Variants in PCDH18 observed in about 807,000 individuals in gnomAD.
The protein encoded by PCDH18 is protocadherin-18.
A neutral mutation model predicts 71.5 loss-of-function variants in PCDH18; 38 were observed. The observed-to-expected ratio is 0.53, with a 90% CI of 0.41 to 0.70. The LOEUF (loss-of-function observed/expected upper bound fraction) is 0.70. Ranked by LOEUF, PCDH18 falls within the 30% of genes least tolerant of loss-of-function variation. The probability of loss-of-function intolerance (pLI) is 0.00; values close to 1 mark genes in which losing one functional copy is unlikely to be tolerated. For synonymous variants in PCDH18, 565 were observed against 505.4 expected (o/e 1.12, Z -1.58); for missense variants, 1,334 against 1,384.6 (o/e 0.96, Z 0.58).
chr4:137,527,258 T>C (rs1388393310), intron 3 of PCDH18, among the ~76,000 whole-genome samples: 1 of 152,182 alleles, frequency 6.6e-6, no homozygotes, highest in Non-Finnish European at 1.5e-5. Context: ...TTATATAAAG[T>C]GGTATGGCAG....
chr4:137,530,068 C>T lies in PCDH18; in HGVS notation c.2021G>A (p.Cys674Tyr), dbSNP rs138695011. The T allele has an allele frequency of 3.0e-4, 483 of 1,614,080 alleles. No individual in the cohort carries two copies. Among genetic ancestry groups the T allele is most frequent in the Non-Finnish European group, 3.7e-4 (435 of 1,179,960 alleles). ...PQLHTKVLLK[C>Y]MIFEYAESVT... ...CGACTCTGCATATTCAAAGATCATG[C>T]ACTTCAGAAGGACTTTGGTATGTAG... The change falls in exon 1 of 4, where the codon TGC becomes TAC. Residue 674 changes from cysteine to tyrosine, a missense_variant. Physicochemically the swap from Cys to Tyr is radical, Grantham distance 194. Coordinates refer to ENST00000344876, the MANE Select transcript of PCDH18 (RefSeq NM_019035.5).
chr4:137,521,570 G>A lies in PCDH18; in HGVS notation c.2867C>T (p.Thr956Met), dbSNP rs1410483393. 4 of 1,614,016 alleles carry A rather than the reference G, an allele frequency of 2.5e-6. No homozygotes were observed. The highest frequency in any genetic ancestry group is 2.2e-5 in the East Asian group (1 of 44,840). The change falls in exon 4 of 4, where the codon ACG (threonine) becomes ATG (methionine). Residue 956 changes from threonine (T) to methionine (M), a missense_variant. By Grantham distance (81) the Thr-to-Met change is moderately conservative (BLOSUM62 -1). Transcript: ENST00000344876. ...ATGTGGATGCTGCTGCTGGGGTTGC[G>A]TTGGGAATTCTTCCCCTGGAATGAA... is the stretch of plus-strand genomic sequence containing the variant. ...NMFIPGEEFP[T>M]QPQQQHPHQS...
intron 3 of PCDH18, among the ~76,000 whole-genome samples, chr4:137,525,121 C>A (rs780141360): frequency 8.6e-5 from 13 of 151,984 alleles, no homozygotes; most frequent in African/African-American, 1.4e-4. Context: ...GAAGTGAATG[C>A]AATGGAAAAT....
Position 137,530,257 on chromosome 4 carries a change from C to T in PCDH18, c.1832G>A (p.Gly611Asp). 3 of 1,614,106 alleles carry T rather than the reference C, an allele frequency of 1.9e-6. No homozygotes were observed. Among genetic ancestry groups the T allele is most frequent in the Non-Finnish European group, 1.7e-6 (2 of 1,180,000 alleles). ...TRIRAIDRDS[G>D]VNAELSCAIV... ...GGCGCAGCTGAGTTCAGCATTCACACCAGAGTCTCTGTCAATTGCCCTTAT... is the reference window on the plus strand; with the variant it reads ...GGCGCAGCTGAGTTCAGCATTCACATCAGAGTCTCTGTCAATTGCCCTTAT... Residue 611 changes from glycine to aspartate, a missense_variant, in exon 1 of 4, where the codon GGT becomes GAT. Physicochemically the swap from Gly to Asp is moderately conservative, Grantham distance 94. This residue lies in a region of PCDH18 where 1,011 missense variants were observed against 1,048.0 expected (regional missense o/e 0.96). Coordinates refer to ENST00000344876, the MANE Select transcript of PCDH18 (RefSeq NM_019035.5).
chr4:137,519,139 T>C lies in PCDH18; in HGVS notation c.*1890A>G, dbSNP rs1560719683. On this transcript the variant is annotated 3_prime_UTR_variant, in exon 4 of 4. Coordinates refer to ENST00000344876, the MANE Select transcript of PCDH18 (RefSeq NM_019035.5). ...TGTGTGTGTAATCTACTGAAAAATA[T>C]ACTGAAATTTCACTTGTAATTGCAA... The C allele has an allele frequency of 2.0e-5, 3 of 152,194 alleles. No individual in the cohort carries two copies. Among genetic ancestry groups the C allele is most frequent in the African/African-American group, 7.2e-5 (3 of 41,454 alleles). 9.4% of individuals were successfully genotyped at this position (152,194 alleles called of 1,614,324 possible). A position where few individuals can be genotyped will look rare whatever the true frequency, so the allele number is the denominator to read the frequency against.
chr4:137,530,212 T>C lies in PCDH18; in HGVS notation c.1877A>G (p.Glu626Gly). 2 of 1,614,062 alleles carry C rather than the reference T, an allele frequency of 1.2e-6. No individual in the cohort carries two copies. The highest frequency in any genetic ancestry group is 1.7e-6 in the Non-Finnish European group (2 of 1,179,974). ...TCGTGGATCAATTATGAAGATATTCTCCTCATTACCTGCTACTATGGCGCA... is the reference window on the plus strand; with the variant it reads ...TCGTGGATCAATTATGAAGATATTCCCCTCATTACCTGCTACTATGGCGCA... ...LSCAIVAGNE[E>G]NIFIIDPRSC... Residue 626 changes from glutamate to glycine, a missense_variant, in exon 1 of 4, where the codon GAG becomes GGG. Physicochemically the swap from Glu to Gly is moderately conservative, Grantham distance 98 (BLOSUM62 -2). Transcript: ENST00000344876.
intron 3 of PCDH18, among the ~76,000 whole-genome samples, chr4:137,526,814 C>T (rs968548216): frequency 1.3e-5 from 2 of 151,950 alleles, no homozygotes; most frequent in African/African-American, 4.8e-5. Context: ...ACAATTACTA[C>T]CACAACAAAA....
Position 137,532,334 on chromosome 4 carries a change from G to C in PCDH18, c.-246C>G, listed in dbSNP as rs1366352710. 4 of 702,414 alleles carry C rather than the reference G, an allele frequency of 5.7e-6. No homozygotes were observed. Among genetic ancestry groups the C allele is most frequent in the Non-Finnish European group, 7.8e-6 (3 of 385,026 alleles). The allele number at this position is 702,414 out of a possible 1,614,324, so 43.5% of individuals were successfully genotyped here. On this transcript the variant is annotated 5_prime_UTR_variant, in exon 1 of 4. Coordinates refer to ENST00000344876, the MANE Select transcript of PCDH18 (RefSeq NM_019035.5). ...GGTCGTTCGTCCTCTTTCCAGGCAG[G>C]AGAGTGTCACCTCCGCGTTTTCTCC...
In PCDH18 at chr4:137,530,801, C is replaced by G. The variant is rs183666749; in HGVS notation, c.1288G>C (p.Glu430Gln). 2.6e-5 allele frequency: 42 copies of G among 1,611,872 alleles called. No homozygotes were observed. The East Asian group carries it at 6.7e-4, about 26-fold the overall frequency. ...NATLDREKRS[E>Q]YSLTVIAEDR... ...TCAGCGATTACAGTCAAACTATACTCAGATCTCTTTTCTCTATCCAGTGTG... is the reference window on the plus strand; with the variant it reads ...TCAGCGATTACAGTCAAACTATACTGAGATCTCTTTTCTCTATCCAGTGTG... The change falls in exon 1 of 4, where the codon GAG (glutamate) becomes CAG (glutamine). Residue 430 changes from glutamate (E) to glutamine (Q), a missense_variant. Physicochemically the swap from Glu to Gln is conservative, Grantham distance 29 (BLOSUM62 2). Transcript: ENST00000344876.
rs935240917 is a variant in PCDH18 at position 137,532,381 on chromosome 4, T to C, written c.-293A>G. On this transcript the variant is annotated 5_prime_UTR_variant, in exon 1 of 4. In the 5' UTR this introduces an upstream ATG that the reference lacks. Transcript: ENST00000344876. ...CTCCCTTGTGTAGTCGGAATCCATC[T>C]ATTGCAGGGTGCCGGTGGAGTCTGC... 10 of 701,840 alleles carry C rather than the reference T, an allele frequency of 1.4e-5. No individual in the cohort carries two copies. Among genetic ancestry groups the C allele is most frequent in the Non-Finnish European group, 2.6e-5 (10 of 384,810 alleles). 43.5% of individuals were successfully genotyped at this position (701,840 alleles called of 1,614,324 possible).
At chr4:137,528,393 G>A (rs1731540232) in intron 3 of PCDH18, 85 bp downstream of exon 3, 4 of 1,041,824 alleles carry the variant, frequency 3.8e-6, no homozygotes, top group Admixed American at 4.3e-5. Flanking sequence ...AAATAAAGAA[G>A]AAATATAAGC....
In PCDH18 at chr4:137,530,913, A is replaced by T; in HGVS notation, c.1176T>A (p.Asn392Lys). ...CATGAAGCTTACAAACTATTTCTCC[A>T]TTCAGCCCAGAATCCTTGTCCTGAA... ...VRVQDKDSGL[N>K]GEIVCKLHGH... Residue 392 changes from asparagine to lysine, a missense_variant, in exon 1 of 4, where the codon AAT (asparagine) becomes AAA (lysine). Transcript: ENST00000344876. The T allele has an allele frequency of 6.2e-7, 1 of 1,613,238 alleles. No homozygotes were observed. Among genetic ancestry groups the T allele is most frequent in the Non-Finnish European group, 8.5e-7 (1 of 1,179,442 alleles).
At chr4:137,523,052 A>G (rs1014550801) in intron 3 of PCDH18, among the ~76,000 whole-genome samples, 2 of 152,138 alleles carry the variant, frequency 1.3e-5, no homozygotes, top group African/African-American at 4.8e-5. Context: ...GTTTTAATGA[A>G]AAGGAGGATA....
chr4:137,532,268 C>T lies in PCDH18; in HGVS notation c.-180G>A, dbSNP rs772107626. 1.4e-6 allele frequency: 1 copy of T among 706,632 alleles called. No homozygotes were observed. The highest frequency in any genetic ancestry group is 1.5e-5 in the South Asian group (1 of 68,176). 43.8% of individuals were successfully genotyped at this position (706,632 alleles called of 1,614,324 possible). A position where few individuals can be genotyped will look rare whatever the true frequency, so the allele number is the denominator to read the frequency against. ...TTTTATACACACCGTGTCACGACTT[C>T]CAGATACCTTCGGCATGGAGTCCAG... On this transcript the variant is annotated 5_prime_UTR_variant, in exon 1 of 4. Coordinates refer to ENST00000344876, the MANE Select transcript of PCDH18 (RefSeq NM_019035.5).
chr4:137,529,464 A>C (rs1731580142), intron 1 of PCDH18, 138 bp downstream of exon 1: 2 of 584,608 alleles, frequency 3.4e-6, no homozygotes, highest in African/African-American at 3.7e-5. Flanking sequence ...ACATATTCAC[A>C]ATGTAACTTG....
Position 137,528,530 on chromosome 4 carries a change from C to G in PCDH18, c.2688G>C (p.Leu896=). 1 of 1,613,904 alleles carries G rather than the reference C, an allele frequency of 6.2e-7. No individual in the cohort carries two copies. The highest frequency in any genetic ancestry group is 2.2e-5 in the East Asian group (1 of 44,862). ...DLGRDSPIDR[L]LGEGFSDLFL... is the part of the protein sequence containing the mutation. ...ACAGGTCGCTGAATCCTTCACCCAA[C>G]AGCCTATCTATTGGAGAATCTCGCC... Residue 896 remains leucine, a synonymous_variant, in exon 3 of 4, where the codon CTG becomes CTC. Transcript: ENST00000344876.
chr4:137,531,291 T>C lies in PCDH18; in HGVS notation c.798A>G (p.Leu266=), dbSNP rs759478917. The part of the protein sequence containing the change: ...LENSPVGTLL[L]DLNATDPDEG... Reference sequence around the variant, plus strand: ...CATCTGGATCCGTGGCATTCAGATCTAAGAGCAAAGTGCCAACCGGGGAGT... The same window carrying C: ...CATCTGGATCCGTGGCATTCAGATCCAAGAGCAAAGTGCCAACCGGGGAGT... Residue 266 remains leucine, a synonymous_variant, in exon 1 of 4, where the codon TTA becomes TTG. Coordinates refer to ENST00000344876, the MANE Select transcript of PCDH18 (RefSeq NM_019035.5). 13 of 1,614,050 alleles carry C rather than the reference T, an allele frequency of 8.1e-6. No individual in the cohort carries two copies. The highest frequency in any genetic ancestry group is 1.1e-5 in the Non-Finnish European group (13 of 1,180,012).
rs567632765 is a variant in PCDH18 at position 137,531,261 on chromosome 4, G to A, written c.828C>T (p.Gly276=). 5.0e-6 allele frequency: 8 copies of A among 1,613,592 alleles called. No homozygotes were observed. Among genetic ancestry groups the A allele is most frequent in the Non-Finnish European group, 6.8e-6 (8 of 1,179,796 alleles). The stretch of plus-strand genomic sequence containing the variant: ...AGGAATATACAATTTTCCCATTAGC[G>A]CCCTCATCTGGATCCGTGGCATTCA... ...LDLNATDPDE[G]ANGKIVYSFS... is the part of the protein sequence containing the mutation. Residue 276 remains glycine (G), a synonymous_variant, in exon 1 of 4, where the codon GGC becomes GGT. Transcript: ENST00000344876.
chr4:137,529,118 G>A (rs1397900059), intron 1 of PCDH18: 2 of 378,988 alleles, frequency 5.3e-6, no homozygotes, highest in Non-Finnish European at 9.5e-6. Flanking sequence ...GTGACCACCT[G>A]TAAAAATACA....
Sources: gnomAD v4.1 joint callset for allele counts (sites outside exome capture counted in the v4.1 genomes callset) on GRCh38, gnomAD v4.1.1 for gene constraint, gnomAD v4.1.1 regional missense constraint, MANE v1.5 for transcripts, NCBI Gene and HGNC (gene_info 2026-07-23, HGNC 2026-07-21) for gene names.